The following PGS1 variants were observed in gnomAD, a reference collection of about 807,000 sequenced individuals.
The protein encoded by PGS1 is phosphatidylglycerophosphate synthase 1, also known as CDP-diacylglycerol--glycerol-3-phosphate 3-phosphatidyltransferase, mitochondrial.
In PGS1, 44 loss-of-function variants were observed where a neutral mutation model predicts 58.3. The observed-to-expected ratio is 0.75, with a 90% CI of 0.59 to 0.97. The LOEUF is 0.97. PGS1 is among the 50% of genes least tolerant of loss of function. PGS1 has a pLI of 0.00. For missense variants in PGS1, 684 were observed against 731.1 expected (o/e 0.94, Z 0.74); for synonymous variants, 330 against 311.0 (o/e 1.06, Z -0.64).
At chr17:78,408,754 C>G (rs954637039) in intron 7 of PGS1, among the ~76,000 whole-genome samples, 2 of 152,230 alleles carry the variant, frequency 1.3e-5, no homozygotes, top group Non-Finnish European at 2.9e-5. Flanking sequence ...TGGGTTGGAT[C>G]TCAGGCAGGT....
intron 8 of PGS1, among the ~76,000 whole-genome samples, chr17:78,418,381 C>G (rs1016266753): frequency 1.3e-5 from 2 of 152,172 alleles, no homozygotes; most frequent in Admixed American, 6.5e-5. Context: ...CTGTGTACAG[C>G]GCACGGAGGC....
At position 78,424,252 on chromosome 17, in the gene PGS1, A is replaced by C; in HGVS notation, c.*202A>C. The C allele has an allele frequency of 1.4e-6, 2 of 1,431,480 alleles. No individual in the cohort carries two copies. Among genetic ancestry groups the C allele is most frequent in the South Asian group, 1.4e-5 (1 of 72,468 alleles). The allele number at this position is 1,431,480 out of a possible 1,614,324, so 88.7% of individuals were successfully genotyped here. A position where few individuals can be genotyped will look rare whatever the true frequency, so the allele number is the denominator to read the frequency against. On this transcript the variant is annotated 3_prime_UTR_variant, in exon 10 of 10. Coordinates refer to ENST00000262764, the MANE Select transcript of PGS1 (RefSeq NM_024419.5). ...TCCTCACACTCCCCGCCCTCTGCAGAGCTGGGCTCTACCCCAAAAGGCTTC... is the reference window on the plus strand; with the variant it reads ...TCCTCACACTCCCCGCCCTCTGCAGCGCTGGGCTCTACCCCAAAAGGCTTC...
chr17:78,389,348 C>T (rs1011133692), intron 1 of PGS1, among the ~76,000 whole-genome samples: 2 of 151,664 alleles, frequency 1.3e-5, no homozygotes, highest in East Asian at 2.0e-4. Flanking sequence ...CCACCATGCC[C>T]GGCTAATTTT....
At position 78,400,807 on chromosome 17, in the gene PGS1, G is replaced by T. The variant is rs111972673; in HGVS notation, c.832G>T (p.Gly278Trp). The change falls in exon 6 of 10, where the codon GGG becomes TGG. Residue 278 changes from glycine (G) to tryptophan (W), a missense_variant. Physicochemically the swap from Gly to Trp is radical, Grantham distance 184. Transcript: ENST00000262764. The surrounding 1 kb of genome is among the most constrained non-coding windows in gnomAD (Gnocchi z 4.4). Reference protein sequence around the residue: ...AVGDVSLQLQGDDTVQVVDGM... With the variant: ...AVGDVSLQLQWDDTVQVVDGM... ...GGGGGATGTGTCCCTGCAGCTGCAG[G>T]GGGACGACACGGTGCAGGTGGTGGA... 2 of 1,613,686 alleles carry T rather than the reference G, an allele frequency of 1.2e-6. No individual in the cohort carries two copies. Among genetic ancestry groups the T allele is most frequent in the Non-Finnish European group, 1.7e-6 (2 of 1,179,808 alleles).
intron 7 of PGS1, among the ~76,000 whole-genome samples, chr17:78,409,924 A>C (rs899170618): frequency 1.3e-5 from 2 of 152,176 alleles, no homozygotes; most frequent in Admixed American, 6.5e-5. Flanking sequence ...CAATCTGGCC[A>C]ACATAGTGAA....
rs1231565338 is a variant in PGS1 at position 78,424,125 on chromosome 17, G to T, written c.*75G>T. On this transcript the variant is annotated 3_prime_UTR_variant, in exon 10 of 10. Coordinates refer to ENST00000262764, the MANE Select transcript of PGS1 (RefSeq NM_024419.5). ...GCTCTTTCAGCCGCGCTTCAGCGAT[G>T]ACTCCAGTCTGGGTGTCCCAGCGAG... The T allele has an allele frequency of 1.9e-6, 3 of 1,613,270 alleles. No homozygotes were observed. The highest frequency in any genetic ancestry group is 4.5e-5 in the East Asian group (2 of 44,884).
At chr17:78,403,493 C>A (rs2146230480) in intron 6 of PGS1, 75 bp from the exon 7 acceptor site, 1 of 1,466,128 alleles carries the variant, frequency 6.8e-7, no homozygotes, top group South Asian at 1.3e-5. Context: ...CTATCACATG[C>A]CCTGTCCCCT....
rs369711845 is a variant in PGS1, at chr17:78,380,476, C to G, written c.143+1668C>G. The stretch of plus-strand genomic sequence containing the variant: ...AGGGCAGGATGGCGCTCTTGGAAAC[C>G]TGCTAGGTTTCACGTTGGTGAACCC... On this transcript the variant is annotated intron_variant, in intron 1 of 9. Coordinates refer to ENST00000262764, the MANE Select transcript of PGS1 (RefSeq NM_024419.5). 1.4e-3 allele frequency among the ~76,000 whole-genome samples: 216 copies of G among 152,330 alleles called. 2 individuals carry two copies. Among genetic ancestry groups the G allele is most frequent in the African/African-American group, 4.8e-3 (200 of 41,572 alleles).
intron 9 of PGS1, among the ~76,000 whole-genome samples, chr17:78,423,170 G>A (rs115045457): frequency 0.013 from 1,997 of 150,964 alleles, 53 homozygotes; most frequent in African/African-American, 0.046. Flanking sequence ...GACGTTTGCC[G>A]CTGTCTCCCC....
Position 78,424,138 on chromosome 17 carries a change from G to A in PGS1, c.*88G>A, listed in dbSNP as rs766337802. 3 of 1,611,868 alleles carry A rather than the reference G, an allele frequency of 1.9e-6. No individual in the cohort carries two copies. ...CGCTTCAGCGATGACTCCAGTCTGG[G>A]TGTCCCAGCGAGCCCCTGCAGGGAC... On this transcript the variant is annotated 3_prime_UTR_variant, in exon 10 of 10. Transcript: ENST00000262764.
chr17:78,416,076 C>G (rs2085160856), intron 8 of PGS1, among the ~76,000 whole-genome samples: 1 of 152,184 alleles, frequency 6.6e-6, no homozygotes, highest in South Asian at 2.1e-4. Context: ...CCTCCTGCAG[C>G]CTGGGAATCT....
At chr17:78,383,336 C>T (rs528996954) in intron 1 of PGS1, among the ~76,000 whole-genome samples, 1 of 152,126 alleles carries the variant, frequency 6.6e-6, no homozygotes, top group South Asian at 2.1e-4. Flanking sequence ...AAGCGATTCT[C>T]CTGCCTCAGC....
chr17:78,390,022 G>A (rs977583641), intron 1 of PGS1, among the ~76,000 whole-genome samples: 5 of 152,116 alleles, frequency 3.3e-5, no homozygotes, highest in African/African-American at 1.2e-4. Flanking sequence ...GAAATGCTGT[G>A]AGGCAGGGGA....
intron 1 of PGS1, among the ~76,000 whole-genome samples, chr17:78,385,237 A>C (rs59362812): frequency 6.6e-6 from 1 of 151,030 alleles, no homozygotes; most frequent in Admixed American, 6.6e-5. Context: ...TCGTGCCTCA[A>C]CCTCCCAAGT....
intron 8 of PGS1, among the ~76,000 whole-genome samples, chr17:78,417,972 C>G (rs1306985881): frequency 1.4e-5 from 2 of 147,826 alleles, no homozygotes; most frequent in African/African-American, 5.0e-5. Flanking sequence ...TTCTGTCGCC[C>G]AGGCTGGAGT....
In PGS1 at chr17:78,424,200, A is replaced by G. The variant is rs1226924380; in HGVS notation, c.*150A>G. 6.4e-7 allele frequency: 1 copy of G among 1,567,060 alleles called. No homozygotes were observed. Among genetic ancestry groups the G allele is most frequent in the East Asian group, 2.3e-5 (1 of 44,398 alleles). ...GGGTCAGGTGTGCTGCCAGTAAGTG[A>G]GGGAGGGGCTGGCAGGAAGGGTGGG... On this transcript the variant is annotated 3_prime_UTR_variant, in exon 10 of 10. Coordinates refer to ENST00000262764, the MANE Select transcript of PGS1 (RefSeq NM_024419.5).
At chr17:78,386,166 C>T (rs1256632911) in intron 1 of PGS1, among the ~76,000 whole-genome samples, 3 of 152,170 alleles carry the variant, frequency 2.0e-5, no homozygotes, top group Non-Finnish European at 2.9e-5. Context: ...TGGCTGGAGC[C>T]GGGCCACGGG....
intron 1 of PGS1, among the ~76,000 whole-genome samples, chr17:78,380,579 G>A (rs2081969784): frequency 6.6e-6 from 1 of 152,156 alleles, no homozygotes; most frequent in Non-Finnish European, 1.5e-5. Context: ...CAAAAGACCT[G>A]CTCATCTCTG....
intron 8 of PGS1, among the ~76,000 whole-genome samples, chr17:78,416,809 C>T (rs549981446): frequency 2.0e-4 from 31 of 152,248 alleles, no homozygotes; most frequent in South Asian, 1.9e-3. Context: ...TATACTGGGA[C>T]GGCAGCTGCT....
Sources: gnomAD v4.1 joint callset for allele counts (sites outside exome capture counted in the v4.1 genomes callset) on GRCh38, gnomAD v4.1.1 for gene constraint, Gnocchi (gnomAD v3.1) non-coding constraint, MANE v1.5 for transcripts, NCBI Gene and HGNC (gene_info 2026-07-23, HGNC 2026-07-21) for gene names.